Variants in FLT1 observed in about 807,000 individuals in gnomAD.
FLT1 encodes vascular endothelial growth factor receptor 1.
Under a neutral mutation model 156.3 loss-of-function variants are expected in FLT1, and 49 were observed. The ratio of observed to expected loss-of-function variants is 0.31; its 90% CI spans 0.25 to 0.40. The LOEUF (loss-of-function observed/expected upper bound fraction) is 0.40, where lower values mean the gene tolerates loss of function less well. FLT1 is among the 10% of genes least tolerant of loss of function. The pLI is 1.00. For synonymous variants in FLT1, 594 were observed against 583.8 expected, an observed-to-expected ratio of 1.02 and a Z score of -0.25; for missense variants, 1,322 against 1,637.2, an observed-to-expected ratio of 0.81 and a Z score of 3.32.
At chr13:28,476,790 T>C (rs1253713356) in intron 1 of FLT1, among the ~76,000 whole-genome samples, 2 of 152,232 alleles carry the variant, frequency 1.3e-5, no homozygotes, top group African/African-American at 4.8e-5. Flanking sequence ...CAACTGGAAT[T>C]GGCACTTCTC....
chr13:28,326,569 A>G (rs1248727260), intron 20 of FLT1, among the ~76,000 whole-genome samples: 1 of 124,548 alleles, frequency 8.0e-6, no homozygotes, highest in Non-Finnish European at 1.6e-5. Flanking sequence ...TCTGTTGCCC[A>G]GGCTGGAGTG....
intron 10 of FLT1, among the ~76,000 whole-genome samples, chr13:28,423,803 G>T (rs1419621262): frequency 6.6e-6 from 1 of 152,188 alleles, no homozygotes; most frequent in Non-Finnish European, 1.5e-5. Flanking sequence ...CATGGGAGCA[G>T]GTTTAGGAAT....
intron 1 of FLT1, among the ~76,000 whole-genome samples, chr13:28,477,081 G>A (rs903225979): frequency 6.6e-6 from 1 of 152,166 alleles, no homozygotes; most frequent in African/African-American, 2.4e-5. Context: ...GGTTTAAAAT[G>A]TTTACCAGGA....
At chr13:28,404,482 T>C (rs927043054) in intron 11 of FLT1, among the ~76,000 whole-genome samples, 1 of 152,220 alleles carries the variant, frequency 6.6e-6, no homozygotes, top group African/African-American at 2.4e-5. Context: ...TTAGCATATG[T>C]CAAAAAGTTT....
chr13:28,492,425 G>T (rs909277773), intron 1 of FLT1, among the ~76,000 whole-genome samples: 2 of 152,116 alleles, frequency 1.3e-5, no homozygotes, highest in African/African-American at 4.8e-5. Flanking sequence ...GCAATAGAGA[G>T]GACTTGAAAG....
Position 28,345,346 on chromosome 13 carries a change from A to G in FLT1, c.2355+99T>C, listed in dbSNP as rs896577012. The stretch of plus-strand genomic sequence containing the variant: ...GAGATAGGAATGAGAGGGAAGGGAA[A>G]GAAAGAGGGTCCAACATTTGTTTGC... On this transcript the variant is annotated intron_variant, in intron 16 of 29. Coordinates refer to ENST00000282397, the MANE Select transcript of FLT1 (RefSeq NM_002019.4). The G allele has an allele frequency of 6.7e-6, 5 of 741,010 alleles. No homozygotes were observed. The African/African-American group carries it at 8.7e-5, about 13-fold the overall frequency. 45.9% of individuals were successfully genotyped at this position (741,010 alleles called of 1,614,324 possible). A position where few individuals can be genotyped will look rare whatever the true frequency, so the allele number is the denominator to read the frequency against.
At chr13:28,389,662 A>G in intron 13 of FLT1, 134 bp downstream of exon 13, 1 of 1,526,898 alleles carries the variant, frequency 6.5e-7, no homozygotes, top group Non-Finnish European at 8.8e-7. Flanking sequence ...ACAATAAATC[A>G]AGATGATATG....
chr13:28,361,007 G>A (rs1873093506), intron 14 of FLT1, among the ~76,000 whole-genome samples: 1 of 152,068 alleles, frequency 6.6e-6, no homozygotes, highest in East Asian at 1.9e-4. Flanking sequence ...GGCCGGGCAC[G>A]GTGGCTCATG....
At chr13:28,487,792 C>A (rs985712350) in intron 1 of FLT1, among the ~76,000 whole-genome samples, 1 of 152,002 alleles carries the variant, frequency 6.6e-6, no homozygotes, top group Admixed American at 6.6e-5. Context: ...GCTTGTAGAA[C>A]TTTATGGTGA....
chr13:28,385,248 A>G (rs1874291470), intron 13 of FLT1, among the ~76,000 whole-genome samples: 2 of 152,224 alleles, frequency 1.3e-5, no homozygotes, highest in South Asian at 4.1e-4. Flanking sequence ...GAAATCAAGG[A>G]CTAGATTTTG....
chr13:28,343,760 AG>A (rs1437656127), intron 16 of FLT1, among the ~76,000 whole-genome samples: 1 of 150,196 alleles, frequency 6.7e-6, no homozygotes, highest in African/African-American at 2.5e-5. Flanking sequence ...CTCCTGCCTC[AG>A]CCTCCCGAGT....
chr13:28,372,566 G>GTATATATATATATATATATATATATATA (rs57608920), intron 14 of FLT1, among the ~76,000 whole-genome samples: 7 of 91,454 alleles, frequency 7.7e-5, no homozygotes, highest in Non-Finnish European at 1.3e-4. Flanking sequence ...TAAATAAAAT[G>GTATATATATATATATATATATATATATA]TATATATATA....
chr13:28,335,199 G>A (rs1872070048), intron 17 of FLT1, among the ~76,000 whole-genome samples: 1 of 152,150 alleles, frequency 6.6e-6, no homozygotes, highest in East Asian at 1.9e-4. Context: ...TATACCCAAA[G>A]AAGAGTAAGT....
At chr13:28,424,318 T>A (rs1877207789) in intron 10 of FLT1, among the ~76,000 whole-genome samples, 1 of 152,190 alleles carries the variant, frequency 6.6e-6, no homozygotes, top group African/African-American at 2.4e-5. Context: ...ATTACCTGTA[T>A]GAGTTTAAAA....
intron 14 of FLT1, among the ~76,000 whole-genome samples, chr13:28,361,085 C>G (rs1415498512): frequency 2.6e-5 from 4 of 151,870 alleles, no homozygotes; most frequent in African/African-American, 9.7e-5. Context: ...TCGAGACCAG[C>G]CTATCCAATA....
At chr13:28,459,533 T>C (rs930382695) in intron 3 of FLT1, among the ~76,000 whole-genome samples, 1 of 152,218 alleles carries the variant, frequency 6.6e-6, no homozygotes, top group Non-Finnish European at 1.5e-5. Context: ...TGAGGCCATG[T>C]GGAAAATGGA....
At chr13:28,414,843 C>T (rs1401811221) in intron 10 of FLT1, among the ~76,000 whole-genome samples, 2 of 151,296 alleles carry the variant, frequency 1.3e-5, no homozygotes, top group African/African-American at 4.9e-5. Flanking sequence ...TCAACCCTGC[C>T]ATCTACACTT....
At chr13:28,406,048 C>G (rs760783488) in intron 10 of FLT1, among the ~76,000 whole-genome samples, 154 bp from the exon 11 acceptor site, 1 of 152,106 alleles carries the variant, frequency 6.6e-6, no homozygotes, top group Non-Finnish European at 1.5e-5. Context: ...TATATTCATC[C>G]TCAAAACTTA....
chr13:28,338,710 A>C (rs1872213856), intron 17 of FLT1, among the ~76,000 whole-genome samples: 2 of 152,152 alleles, frequency 1.3e-5, no homozygotes, highest in Admixed American at 6.5e-5. Flanking sequence ...CTTTCACCGA[A>C]TGTTTGATTT....
Sources: allele counts gnomAD v4.1 joint callset (sites outside exome capture counted in the v4.1 genomes callset), GRCh38; gene constraint gnomAD v4.1.1; transcripts MANE v1.5; gene names NCBI Gene and HGNC (gene_info 2026-07-23, HGNC 2026-07-21).